The following WDR12 variants were observed in gnomAD, a reference collection of about 807,000 sequenced individuals.
WDR12 encodes WD repeat domain 12, also known as ribosome biogenesis protein WDR12.
WDR12 carries 42 observed loss-of-function variants against 64.3 expected under a neutral mutation model. The observed-to-expected ratio is 0.65, with a 90% confidence interval of 0.51 to 0.84. WDR12 has a LOEUF of 0.84. Ranked by LOEUF, WDR12 falls within the 40% of genes least tolerant of loss-of-function variation. The probability of loss-of-function intolerance (pLI) is 0.00; values close to 1 mark genes in which losing one functional copy is unlikely to be tolerated. For synonymous variants in WDR12, 158 were observed against 173.3 expected, an observed-to-expected ratio of 0.91 and a Z score of 0.70; for missense variants, 469 against 494.6, an observed-to-expected ratio of 0.95 and a Z score of 0.49.
chr2:202,894,497 T>C (rs769560623), intron 7 of WDR12, 84 bp downstream of exon 7: 147 of 1,207,402 alleles, frequency 1.2e-4, no homozygotes, highest in Non-Finnish European at 1.6e-4. Context: ...GCTGAGATTA[T>C]AGGCGTAAGC....
chr2:202,907,781 A>C (rs1303817911), intron 2 of WDR12, 84 bp downstream of exon 2: 16 of 1,113,086 alleles, frequency 1.4e-5, no homozygotes, highest in Non-Finnish European at 2.0e-5. Flanking sequence ...ATACAGTATC[A>C]TAAGGCCAAA....
At chr2:202,892,220 A>G (rs1688168428) in intron 8 of WDR12, among the ~76,000 whole-genome samples, 1 of 152,250 alleles carries the variant, frequency 6.6e-6, no homozygotes. Flanking sequence ...CTAGTGATTT[A>G]GAAGATATAA....
At chr2:202,885,876 A>G (rs925827938) in intron 8 of WDR12, among the ~76,000 whole-genome samples, 2 of 152,120 alleles carry the variant, frequency 1.3e-5, no homozygotes, top group African/African-American at 4.8e-5. Context: ...CCTAGGCAAC[A>G]TAGTAAGACC....
chr2:202,881,317 G>T (rs1687944571), intron 12 of WDR12, among the ~76,000 whole-genome samples: 1 of 152,068 alleles, frequency 6.6e-6, no homozygotes, highest in Non-Finnish European at 1.5e-5. Context: ...CTTATATTTG[G>T]AAAGAATTCT....
intron 4 of WDR12, among the ~76,000 whole-genome samples, chr2:202,897,910 T>A (rs1429942354): frequency 0.035 from 3,750 of 105,748 alleles, 116 homozygotes; most frequent in Non-Finnish European, 0.051. Flanking sequence ...AAAAAAAAAA[T>A]ATATATATAT....
At chr2:202,885,277 A>G (rs1688025983) in intron 8 of WDR12, among the ~76,000 whole-genome samples, 1 of 152,122 alleles carries the variant, frequency 6.6e-6, no homozygotes. Context: ...CTTGCTGCCT[A>G]TCTGTAAGTA....
chr2:202,882,429 C>T (rs537949335), intron 12 of WDR12, among the ~76,000 whole-genome samples: 6 of 151,932 alleles, frequency 3.9e-5, no homozygotes, highest in South Asian at 2.1e-4. Flanking sequence ...CCTTGGATCA[C>T]GCCATTCTCC....
intron 4 of WDR12, among the ~76,000 whole-genome samples, chr2:202,898,227 T>C (rs961089159): frequency 1.3e-5 from 2 of 152,026 alleles, no homozygotes; most frequent in Non-Finnish European, 2.9e-5. Flanking sequence ...CTCAGCTCAC[T>C]GCAACCTCTG....
chr2:202,883,625 G>T lies in WDR12; in HGVS notation c.1105C>A (p.Leu369Met). The change falls in exon 11 of 13, where the codon CTG (leucine) becomes ATG (methionine). Residue 369 changes from leucine to methionine, a missense_variant. Transcript: ENST00000261015. ...ISGSLDNIVKLWDTRSCKAPL... is the reference protein window; with the variant it reads ...ISGSLDNIVKMWDTRSCKAPL... ...AGAATTTACCTTCTTGTATCCCACA[G>T]CTTAACAATGTTATCTAAAGATCCT... 6.2e-7 allele frequency: 1 copy of T among 1,613,896 alleles called. No individual in the cohort carries two copies. The highest frequency in any genetic ancestry group is 8.5e-7 in the Non-Finnish European group (1 of 1,179,952).
In WDR12 at chr2:202,907,908, G is replaced by T. The variant is rs574002592; in HGVS notation, c.93C>A (p.Ala31=). ...GTTTATTGATGATGTTACTAAGGTC[G>T]GCAATTTCAGAGGCAGCAGGGATTG... ...PFSIPAASEI[A]DLSNIINKLL... is the part of the protein sequence containing the mutation. Residue 31 remains alanine (A), a synonymous_variant, in exon 2 of 13, where the codon GCC becomes GCA. Transcript: ENST00000261015. 12 of 1,613,904 alleles carry T rather than the reference G, an allele frequency of 7.4e-6. No homozygotes were observed. The South Asian group carries it at 1.2e-4, about 16-fold the overall frequency.
intron 8 of WDR12, among the ~76,000 whole-genome samples, chr2:202,887,938 G>A (rs919625116): frequency 6.7e-6 from 1 of 148,752 alleles, no homozygotes; most frequent in Non-Finnish European, 1.5e-5. Context: ...AAAAACAATA[G>A]GCAAACTTAT....
chr2:202,883,022 TTTA>T (rs1328979294), intron 11 of WDR12, among the ~76,000 whole-genome samples: 2 of 152,318 alleles, frequency 1.3e-5, no homozygotes, highest in African/African-American at 4.8e-5. Flanking sequence ...ATTTTAAGAA[TTTA>T]TTTATAATTA....
chr2:202,880,808 C>CT lies in WDR12; in HGVS notation c.*51dup. 6.5e-7 allele frequency: 1 copy of CT among 1,532,202 alleles called. No individual in the cohort carries two copies. Among genetic ancestry groups the CT allele is most frequent in the Non-Finnish European group, 8.9e-7 (1 of 1,122,048 alleles). 94.9% of individuals were successfully genotyped at this position (1,532,202 alleles called of 1,614,324 possible). A position where few individuals can be genotyped will look rare whatever the true frequency, so the allele number is the denominator to read the frequency against. ...TGCATCTATGTAATTTCATGGTTCT[C>CT]TACCAATTTCATTTACAGAAATAAT... is the stretch of plus-strand genomic sequence containing the variant. On this transcript the variant is annotated 3_prime_UTR_variant, in exon 13 of 13. Transcript: ENST00000261015.
intron 2 of WDR12, 67 bp from the exon 3 acceptor site, chr2:202,901,186 G>C (rs541451182): frequency 2.4e-6 from 3 of 1,239,626 alleles, no homozygotes; most frequent in Non-Finnish European, 3.4e-6. Flanking sequence ...AGGTATATGA[G>C]AACTCCCAAA....
chr2:202,882,213 G>A (rs1337868604), intron 12 of WDR12, among the ~76,000 whole-genome samples: 1 of 152,082 alleles, frequency 6.6e-6, no homozygotes, highest in African/African-American at 2.4e-5. Flanking sequence ...ACAGGCATAA[G>A]CCACCATGCC....
rs371068738 is a variant in WDR12 at position 202,896,088 on chromosome 2, C to T, written c.586G>A (p.Ala196Thr). The T allele has an allele frequency of 6.2e-7, 1 of 1,613,840 alleles. No individual in the cohort carries two copies. Among genetic ancestry groups the T allele is most frequent in the Non-Finnish European group, 8.5e-7 (1 of 1,179,908 alleles). ...ACTTTAGTTCCTGAGCCATCAACAG[C>T]TATAGAATCTACACTTCCAGCATGA... ...RGHAGSVDSI[A>T]VDGSGTKFCS... The change falls in exon 6 of 13, where the codon GCT becomes ACT. Residue 196 changes from alanine (A) to threonine (T), a missense_variant. Ala to Thr is a moderately conservative substitution (Grantham distance 58). Transcript: ENST00000261015.
intron 2 of WDR12, among the ~76,000 whole-genome samples, chr2:202,905,661 T>C (rs1688444475): frequency 6.6e-6 from 1 of 152,160 alleles, no homozygotes. Context: ...AAATCAATAC[T>C]TCTACACAAT....
At chr2:202,904,975 A>G (rs1688427046) in intron 2 of WDR12, among the ~76,000 whole-genome samples, 1 of 152,262 alleles carries the variant, frequency 6.6e-6, no homozygotes, top group Admixed American at 6.5e-5. Context: ...CTCTGTAGGT[A>G]AAAATTTAAT....
At chr2:202,884,325 C>A (rs749047739) in intron 9 of WDR12, 22 bp from the exon 10 acceptor site, 1 of 1,613,186 alleles carries the variant, frequency 6.2e-7, no homozygotes, top group South Asian at 1.1e-5. Context: ...AAGGAAAGAA[C>A]ATTAACCATG....
Sources: gnomAD v4.1 joint callset for allele counts (sites outside exome capture counted in the v4.1 genomes callset) on GRCh38, gnomAD v4.1.1 for gene constraint, MANE v1.5 for transcripts, NCBI Gene and HGNC (gene_info 2026-07-23, HGNC 2026-07-21) for gene names.